FAM184B: variants seen among roughly 807,000 people sequenced by gnomAD.
FAM184B encodes the protein family with sequence similarity 184 member B, also known as protein FAM184B.
FAM184B carries 111 observed loss-of-function variants against 135.9 expected under a neutral mutation model. That is an observed-to-expected ratio of 0.82 (90% CI 0.70 to 0.96). FAM184B has a LOEUF of 0.96. FAM184B is among the 40% of genes least tolerant of loss of function. The probability of loss-of-function intolerance (pLI) is 0.00; values close to 1 mark genes in which losing one functional copy is unlikely to be tolerated. For missense variants in FAM184B, 1,375 were observed against 1,323.9 expected (o/e 1.04, Z -0.60); for synonymous variants, 552 against 524.8 (o/e 1.05, Z -0.71).
At position 17,693,349 on chromosome 4, in the gene FAM184B, C is replaced by G. The variant is rs936500025; in HGVS notation, c.1441G>C (p.Glu481Gln). The stretch of plus-strand genomic sequence containing the variant: ...TTCACATTGAGGGCTGCTTTCTCTT[C>G]TTCCAGCTGCTTTATCTCCTTTTCT... ...KSEKEIKQLE[E>Q]EKAALNVKLQ... Residue 481 changes from glutamate (E) to glutamine (Q), a missense_variant, in exon 6 of 18, where the codon GAA (glutamate) becomes CAA (glutamine). Physicochemically the swap from Glu to Gln is conservative, Grantham distance 29. Transcript: ENST00000265018. 9.0e-6 allele frequency: 14 copies of G among 1,551,702 alleles called. No individual in the cohort carries two copies. The East Asian group carries it at 3.2e-4, about 35-fold the overall frequency.
intron 1 of FAM184B, among the ~76,000 whole-genome samples, chr4:17,715,505 AATGAAATT>A (rs1385026256): frequency 6.6e-6 from 1 of 152,062 alleles, no homozygotes; most frequent in African/African-American, 2.4e-5. Context: ...AAACAAAAAA[AATGAAATT>A]AATGGGGTCA....
chr4:17,725,078 G>A (rs1023287988), intron 1 of FAM184B, among the ~76,000 whole-genome samples: 10 of 152,170 alleles, frequency 6.6e-5, no homozygotes, highest in Non-Finnish European at 1.2e-4. Context: ...GGCTTTGTGA[G>A]GCAGGGTCAT....
chr4:17,741,930 TCAA>T (rs1439008169), intron 1 of FAM184B, among the ~76,000 whole-genome samples: 1 of 151,980 alleles, frequency 6.6e-6, no homozygotes, highest in African/African-American at 2.4e-5. Flanking sequence ...AGGTTTACTA[TCAA>T]TAGAAGTTAC....
At chr4:17,648,416 G>A (rs887193220) in intron 11 of FAM184B, among the ~76,000 whole-genome samples, 5 of 151,648 alleles carry the variant, frequency 3.3e-5, no homozygotes, top group Middle Eastern at 3.4e-3. Flanking sequence ...ACACGATCTC[G>A]GCTCACTGCA....
At chr4:17,637,697 C>T (rs2108927861) in intron 14 of FAM184B, among the ~76,000 whole-genome samples, 1 of 152,230 alleles carries the variant, frequency 6.6e-6, no homozygotes, top group East Asian at 1.9e-4. Flanking sequence ...AGAGCTCAGG[C>T]TAAAGGTCAG....
chr4:17,670,469 T>C (rs1173106079), intron 7 of FAM184B, among the ~76,000 whole-genome samples: 1 of 152,180 alleles, frequency 6.6e-6, no homozygotes, highest in Non-Finnish European at 1.5e-5. Flanking sequence ...AAATGTACTC[T>C]GAGACAACAC....
intron 12 of FAM184B, among the ~76,000 whole-genome samples, chr4:17,646,388 A>G (rs1715466512): frequency 1.3e-5 from 2 of 152,244 alleles, no homozygotes. Context: ...ACCATGGAAT[A>G]CTATGCAGCC....
intron 5 of FAM184B, 28 bp from the exon 6 acceptor site, chr4:17,693,440 TACA>T (rs1487276331): frequency 6.5e-7 from 1 of 1,533,066 alleles, no homozygotes; most frequent in South Asian, 1.2e-5. Context: ...GAGTTAACCA[TACA>T]AGGCACGAAA....
At chr4:17,683,771 T>C (rs767509654) in intron 7 of FAM184B, among the ~76,000 whole-genome samples, 1 of 151,934 alleles carries the variant, frequency 6.6e-6, no homozygotes, top group East Asian at 1.9e-4. Context: ...AGCTATAAAA[T>C]TTAAGTTAAG....
At chr4:17,697,281 A>G (rs539577641) in intron 5 of FAM184B, among the ~76,000 whole-genome samples, 80 of 152,328 alleles carry the variant, frequency 5.3e-4, no homozygotes, top group Non-Finnish European at 1.0e-3. Flanking sequence ...TGAACATCTG[A>G]AAAGATACTG....
Position 17,717,247 on chromosome 4 carries a change from G to A in FAM184B, c.142-7603C>T, listed in dbSNP as rs564967151. ...GTAATATATCTTAGGTGTCTGGCAC[G>A]TAGTAAATACTTATTAAACGTTTCT... On this transcript the variant is annotated intron_variant, in intron 1 of 17. Transcript: ENST00000265018. 1.4e-4 allele frequency among the ~76,000 whole-genome samples: 21 copies of A among 152,278 alleles called. No homozygotes were observed. In the East Asian group the frequency reaches 3.1e-3, roughly 22 times the overall value.
At chr4:17,735,281 T>C (rs1717882108) in intron 1 of FAM184B, among the ~76,000 whole-genome samples, 1 of 151,924 alleles carries the variant, frequency 6.6e-6, no homozygotes, top group South Asian at 2.1e-4. Context: ...TGTATACATA[T>C]GTAACAAACC....
chr4:17,767,188 C>G (rs866460284), intron 1 of FAM184B, among the ~76,000 whole-genome samples: 6 of 152,210 alleles, frequency 3.9e-5, no homozygotes. Flanking sequence ...CGTGCCTCTC[C>G]CTGCACACCT....
chr4:17,643,577 A>G (rs1365088674), intron 12 of FAM184B, among the ~76,000 whole-genome samples: 1 of 152,130 alleles, frequency 6.6e-6, no homozygotes, highest in African/African-American at 2.4e-5. Context: ...CATTGGTACC[A>G]GTGGCTCCCA....
rs150568341 is a variant in FAM184B at position 17,760,335 on chromosome 4, G to A, written c.141+20824C>T. 8.7e-3 allele frequency among the ~76,000 whole-genome samples: 1,324 copies of A among 152,038 alleles called. 22 individuals are homozygous for A. Among genetic ancestry groups the A allele is most frequent in the African/African-American group, 0.031 (1,265 of 41,462 alleles). On this transcript the variant is annotated intron_variant, in intron 1 of 17. Coordinates refer to ENST00000265018, the MANE Select transcript of FAM184B (RefSeq NM_015688.2). ...AAAAATTAGCTGGCATTGGTGGCGTGTGCCTGTAGTCCCAGGTACTCAGGT... is the reference window on the plus strand; with the variant it reads ...AAAAATTAGCTGGCATTGGTGGCGTATGCCTGTAGTCCCAGGTACTCAGGT...
intron 7 of FAM184B, among the ~76,000 whole-genome samples, chr4:17,679,180 G>A (rs758986152): frequency 6.6e-6 from 1 of 152,080 alleles, no homozygotes; most frequent in Non-Finnish European, 1.5e-5. Context: ...TAAATAGATT[G>A]GACTTCATTA....
At position 17,728,397 on chromosome 4, in the gene FAM184B, A is replaced by G. The variant is rs116347331; in HGVS notation, c.142-18753T>C. ...GCGAGACCCTGTCTCTTAAAAAAAA[A>G]TTACAATGAAAATTAACATGCCTCA... On this transcript the variant is annotated intron_variant, in intron 1 of 17. Coordinates refer to ENST00000265018, the MANE Select transcript of FAM184B (RefSeq NM_015688.2). 5.3e-3 allele frequency among the ~76,000 whole-genome samples: 803 copies of G among 152,294 alleles called. 8 individuals are homozygous for G. Among genetic ancestry groups the G allele is most frequent in the African/African-American group, 0.018 (760 of 41,552 alleles).
Position 17,706,039 on chromosome 4 carries a change from G to A in FAM184B, c.1031-148C>T, listed in dbSNP as rs146949251. 5.6e-4 allele frequency: 565 copies of A among 1,009,302 alleles called. 3 individuals are homozygous for A. Among genetic ancestry groups the A allele is most frequent in the African/African-American group, 1.9e-3 (120 of 62,536 alleles). 62.5% of individuals were successfully genotyped at this position (1,009,302 alleles called of 1,614,324 possible). A position where few individuals can be genotyped will look rare whatever the true frequency, so the allele number is the denominator to read the frequency against. ...TCCTGCCCTGTGGTCTGCTGACCCC[G>A]AAGCATGGTCAAGGTAGCAATTCTC... On this transcript the variant is annotated intron_variant, in intron 3 of 17. Transcript: ENST00000265018.
chr4:17,674,428 T>C (rs555561829), intron 7 of FAM184B, among the ~76,000 whole-genome samples: 5 of 152,334 alleles, frequency 3.3e-5, no homozygotes, highest in Non-Finnish European at 7.4e-5. Context: ...AACAATCACC[T>C]GAGCCTTCAG....
Sources: allele counts gnomAD v4.1 joint callset (sites outside exome capture counted in the v4.1 genomes callset), GRCh38; gene constraint gnomAD v4.1.1; transcripts MANE v1.5; gene names NCBI Gene and HGNC (gene_info 2026-07-23, HGNC 2026-07-21).